Variants in KIAA1191 observed in about 807,000 individuals in gnomAD.
KIAA1191 encodes the protein KIAA1191, also known as putative monooxygenase p33MONOX.
In KIAA1191, 22 loss-of-function variants were observed where a neutral mutation model predicts 31.1. The ratio of observed to expected loss-of-function variants is 0.71; its 90% CI spans 0.51 to 1.01. KIAA1191 has a LOEUF of 1.01. Among genes scored for constraint, KIAA1191 ranks in the 50% least tolerant of loss-of-function variants. KIAA1191 has a pLI of 0.00. For synonymous variants in KIAA1191, 130 were observed against 143.9 expected (o/e 0.90, Z 0.69); for missense variants, 319 against 388.0 (o/e 0.82, Z 1.49).
In KIAA1191 at chr5:176,361,517, C is replaced by G. The variant is rs915463326; in HGVS notation, c.-168+85G>C. 3 of 152,478 alleles carry G rather than the reference C, an allele frequency of 2.0e-5. No individual in the cohort carries two copies. The highest frequency in any genetic ancestry group is 4.4e-5 in the Non-Finnish European group (3 of 68,266). The allele number at this position is 152,478 out of a possible 1,614,324, so 9.4% of individuals were successfully genotyped here. A position where few individuals can be genotyped will look rare whatever the true frequency, so the allele number is the denominator to read the frequency against. On this transcript the variant is annotated intron_variant, in intron 1 of 8. Coordinates refer to ENST00000298569, the MANE Select transcript of KIAA1191 (RefSeq NM_020444.5). This position sits in a 1 kb window ranked among gnomAD's most constrained non-coding sequence, Gnocchi z 4.0. ...AGAGGGGAGTGGCTTGGAGGGGCCC[C>G]GAGATCGGGCCTCGCCGGAAGCGCC...
intron 6 of KIAA1191, 77 bp from the exon 7 acceptor site, chr5:176,348,433 T>A: frequency 9.0e-7 from 1 of 1,114,626 alleles, no homozygotes; most frequent in South Asian, 1.4e-5. Context: ...GCATAAAAAA[T>A]TTGGTTCGCA....
intron 3 of KIAA1191, among the ~76,000 whole-genome samples, chr5:176,357,872 A>C (rs868055588): frequency 7.2e-5 from 11 of 152,354 alleles, no homozygotes; most frequent in Middle Eastern, 6.8e-3. Flanking sequence ...AAAGTCAGCT[A>C]GTATTTACTG....
At chr5:176,353,304 C>T (rs1000524989) in intron 4 of KIAA1191, 1 of 152,326 alleles carries the variant, frequency 6.6e-6, no homozygotes, top group Admixed American at 6.5e-5. Flanking sequence ...GACCACTGCT[C>T]CCAAGGTTCA....
At chr5:176,352,566 G>A in intron 5 of KIAA1191, 56 bp downstream of exon 5, 3 of 1,583,810 alleles carry the variant, frequency 1.9e-6, no homozygotes, top group Non-Finnish European at 2.6e-6. Flanking sequence ...CTTGTAGGAA[G>A]CCTCAACTCT....
intron 3 of KIAA1191, among the ~76,000 whole-genome samples, chr5:176,356,527 T>C (rs1006294367): frequency 1.3e-5 from 2 of 152,130 alleles, no homozygotes; most frequent in African/African-American, 4.8e-5. Context: ...ATTTAAACAG[T>C]AGAGTCACTT....
At chr5:176,358,655 A>G (rs1767702406) in intron 3 of KIAA1191, among the ~76,000 whole-genome samples, 1 of 152,026 alleles carries the variant, frequency 6.6e-6, no homozygotes, top group Non-Finnish European at 1.5e-5. Flanking sequence ...CGGAGGTTGC[A>G]GTGAGCTGAG....
At chr5:176,356,896 A>G (rs1767550860) in intron 3 of KIAA1191, among the ~76,000 whole-genome samples, 1 of 152,244 alleles carries the variant, frequency 6.6e-6, no homozygotes, top group South Asian at 2.1e-4. Context: ...GCTATTAGTA[A>G]TAATTAACAA....
At chr5:176,352,783 G>T (rs1199550974) in intron 4 of KIAA1191, 35 bp from the exon 5 acceptor site, 1 of 1,593,434 alleles carries the variant, frequency 6.3e-7, no homozygotes, top group Admixed American at 1.7e-5. Flanking sequence ...AAGCACTTAG[G>T]CAGGGCAGGG....
chr5:176,359,331 T>C (rs1240814594), intron 3 of KIAA1191, 150 bp downstream of exon 3: 4 of 675,892 alleles, frequency 5.9e-6, no homozygotes, highest in Non-Finnish European at 1.0e-5. Context: ...AAAAATAAAA[T>C]AAAATAAAAT....
chr5:176,350,481 G>A (rs1285172234), intron 6 of KIAA1191, 132 bp downstream of exon 6: 24 of 1,138,828 alleles, frequency 2.1e-5, no homozygotes, highest in East Asian at 4.8e-5. Context: ...CAAAAACTAC[G>A]AGGCTAAGAG....
intron 5 of KIAA1191, among the ~76,000 whole-genome samples, chr5:176,351,891 A>C (rs1196148717): frequency 6.6e-6 from 1 of 152,190 alleles, no homozygotes; most frequent in Non-Finnish European, 1.5e-5. Context: ...GACTTCAAAA[A>C]TGAGCCAACC....
intron 2 of KIAA1191, 52 bp downstream of exon 2, chr5:176,359,759 C>G (rs962872877): frequency 1.2e-5 from 5 of 432,836 alleles, no homozygotes; most frequent in African/African-American, 2.0e-5. Flanking sequence ...GATCTTAACA[C>G]CTGTGAGATG....
chr5:176,360,528 C>T (rs191296970), intron 1 of KIAA1191, among the ~76,000 whole-genome samples: 29 of 147,382 alleles, frequency 2.0e-4, no homozygotes, highest in Non-Finnish European at 9.0e-5. Flanking sequence ...TGGCCGGGTG[C>T]GGTGGCTCAC....
chr5:176,347,688 A>T lies in KIAA1191; in HGVS notation c.830T>A (p.Ile277Asn). 6.3e-7 allele frequency: 1 copy of T among 1,595,830 alleles called. No homozygotes were observed. The highest frequency in any genetic ancestry group is 8.5e-7 in the Non-Finnish European group (1 of 1,173,000). The change falls in exon 9 of 9, where the codon ATC becomes AAC. Residue 277 changes from isoleucine (I) to asparagine (N), a missense_variant. Coordinates refer to ENST00000298569, the MANE Select transcript of KIAA1191 (RefSeq NM_020444.5). The stretch of plus-strand genomic sequence containing the variant: ...CTGTTTCTTTCCTTCCATCACTGGG[A>T]TGTCCATCTTGGGGGGCTTCAAGGC... ...PAALKPPKMDIPVMEGKKQPP... is the reference protein window; with the variant it reads ...PAALKPPKMDNPVMEGKKQPP...
At position 176,355,234 on chromosome 5, in the gene KIAA1191, AAAG is replaced by A. The variant is rs1340199262; in HGVS notation, c.207+334_207+336del. ...CAAGGCCATTCTAGTTTTGAATTAA[AAAG>A]AAAAAAAAAAGGAGGGAGATTTAAA... On this transcript the variant is annotated intron_variant, in intron 4 of 8. Coordinates refer to ENST00000298569, the MANE Select transcript of KIAA1191 (RefSeq NM_020444.5). The surrounding 1 kb of genome is among the most constrained non-coding windows in gnomAD (Gnocchi z 4.2). 2.0e-5 allele frequency among the ~76,000 whole-genome samples: 3 copies of A among 152,092 alleles called. No homozygotes were observed. The highest frequency in any genetic ancestry group is 1.3e-4 in the Admixed American group (2 of 15,278).
Position 176,347,991 on chromosome 5 carries a change from C to T in KIAA1191, c.639G>A (p.Gly213=). Residue 213 remains glycine (G), a synonymous_variant, in exon 8 of 9, where the codon GGG becomes GGA. Transcript: ENST00000298569. ...TATCTGACAAGTTTCTGTCCTTATC[C>T]CCACTTCCAGAGTCCATGGTGCTAG... The part of the protein sequence containing the change: ...PNPSTMDSGS[G]DKDRNLSDKW... The T allele has an allele frequency of 6.2e-7, 1 of 1,614,084 alleles. No homozygotes were observed. Among genetic ancestry groups the T allele is most frequent in the Non-Finnish European group, 8.5e-7 (1 of 1,180,006 alleles).
Position 176,355,577 on chromosome 5 carries a change from G to A in KIAA1191, c.201C>T (p.Leu67=), listed in dbSNP as rs759249446. 3.4e-5 allele frequency: 54 copies of A among 1,606,946 alleles called. 1 individual carries two copies. The highest frequency in any genetic ancestry group is 2.2e-4 in the Middle Eastern group (1 of 4,462). ...GGCCAGCAGGGTCAGATACCTTGGC[G>A]AGGTGCTGATACTTGCGCTCTGGAA... ...PVIPERKYQH[L]AKVEEGEASL... is the part of the protein sequence containing the mutation. The change falls in exon 4 of 9, where the codon CTC becomes CTT. Residue 67 remains leucine, a synonymous_variant. Transcript: ENST00000298569. The surrounding 1 kb of genome is among the most constrained non-coding windows in gnomAD (Gnocchi z 4.2).
In KIAA1191 at chr5:176,350,863, G is replaced by A. The variant is rs370599570; in HGVS notation, c.335-126C>T. On this transcript the variant is annotated intron_variant, in intron 5 of 8. Coordinates refer to ENST00000298569, the MANE Select transcript of KIAA1191 (RefSeq NM_020444.5). ...CACACTGACCATTCAAAGAAGAGGA[G>A]ACTTTCCCCAGAGAGGCACCACAGC... 9 of 1,194,578 alleles carry A rather than the reference G, an allele frequency of 7.5e-6. No individual in the cohort carries two copies. In the South Asian group the frequency reaches 1.1e-4, roughly 14 times the overall value. The allele number at this position is 1,194,578 out of a possible 1,614,324, so 74.0% of individuals were successfully genotyped here.
Position 176,355,459 on chromosome 5 carries a change from A to T in KIAA1191, c.207+112T>A, listed in dbSNP as rs753814779. On this transcript the variant is annotated intron_variant, in intron 4 of 8. Coordinates refer to ENST00000298569, the MANE Select transcript of KIAA1191 (RefSeq NM_020444.5). The surrounding 1 kb of genome is among the most constrained non-coding windows in gnomAD (Gnocchi z 4.2). Reference sequence around the variant, plus strand: ...TAACTGAGGCACAGAAAACACATACAGGGAGTGGTTGCTGCCCAGTCCCAT... The same window carrying T: ...TAACTGAGGCACAGAAAACACATACTGGGAGTGGTTGCTGCCCAGTCCCAT... The T allele has an allele frequency of 3.6e-5, 31 of 858,286 alleles. No homozygotes were observed. Among genetic ancestry groups the T allele is most frequent in the Non-Finnish European group, 4.5e-5 (24 of 539,058 alleles). 53.2% of individuals were successfully genotyped at this position (858,286 alleles called of 1,614,324 possible).
Sources: gnomAD v4.1 joint callset for allele counts (sites outside exome capture counted in the v4.1 genomes callset) on GRCh38, gnomAD v4.1.1 for gene constraint, Gnocchi (gnomAD v3.1) non-coding constraint, MANE v1.5 for transcripts, NCBI Gene and HGNC (gene_info 2026-07-23, HGNC 2026-07-21) for gene names.